Variants in SLC25A26 observed in about 807,000 individuals in gnomAD.
SLC25A26 encodes the protein mitochondrial S-adenosylmethionine carrier protein.
SLC25A26 carries 36 observed loss-of-function variants against 37.8 expected under a neutral mutation model. That is an observed-to-expected ratio of 0.95 (90% CI 0.73 to 1.26). The LOEUF (loss-of-function observed/expected upper bound fraction) is 1.26. SLC25A26 is among the 50% of genes most tolerant of loss of function. SLC25A26 has a pLI of 0.00. For synonymous variants in SLC25A26, 129 were observed against 122.5 expected (o/e 1.05, Z -0.35); for missense variants, 390 against 331.1 (o/e 1.18, Z -1.38).
intron 1 of SLC25A26, among the ~76,000 whole-genome samples, chr3:66,230,526 G>C (rs1397873718): frequency 6.6e-6 from 1 of 152,010 alleles, no homozygotes; most frequent in Non-Finnish European, 1.5e-5. Flanking sequence ...ATTTTAGGCC[G>C]GGCGTGGTGG....
rs147002911 is a variant in SLC25A26, at chr3:66,237,068, C to T, written c.190+368C>T. 3.1e-3 allele frequency among the ~76,000 whole-genome samples: 473 copies of T among 152,240 alleles called. 3 individuals carry two copies. The highest frequency in any genetic ancestry group is 0.016 in the East Asian group (85 of 5,164). On this transcript the variant is annotated intron_variant, in intron 2 of 9. Coordinates refer to ENST00000354883, the MANE Select transcript of SLC25A26 (RefSeq NM_001379210.1). ...TCTAGGCTGGTCTTGAACTCCTAGGCTCAAGCAATCTGCCCATCTTGGGCT... is the reference window on the plus strand; with the variant it reads ...TCTAGGCTGGTCTTGAACTCCTAGGTTCAAGCAATCTGCCCATCTTGGGCT...
intron 1 of SLC25A26, among the ~76,000 whole-genome samples, chr3:66,134,151 T>C (rs1413287874): frequency 5.9e-5 from 9 of 152,244 alleles, no homozygotes; most frequent in Non-Finnish European, 1.3e-4. Context: ...ATAACTAGTT[T>C]GACTTGGTCT....
chr3:66,321,993 A>G lies in SLC25A26; in HGVS notation c.454-24371A>G, dbSNP rs138060643. Among the ~76,000 whole-genome samples, 7 of 152,246 alleles carry G rather than the reference A, an allele frequency of 4.6e-5. No homozygotes were observed. The East Asian group carries it at 1.4e-3, about 29-fold the overall frequency. On this transcript the variant is annotated intron_variant, in intron 5 of 9. Coordinates refer to ENST00000354883, the MANE Select transcript of SLC25A26 (RefSeq NM_001379210.1). ...AGATAACAGCATTAAGCCATTCATG[A>G]GGGTGGTGCCCCCATGACCCAAGTA...
At chr3:66,251,277 G>A (rs2073074113) in intron 3 of SLC25A26, among the ~76,000 whole-genome samples, 1 of 152,102 alleles carries the variant, frequency 6.6e-6, no homozygotes, top group Admixed American at 6.6e-5. Flanking sequence ...GACTATTAAA[G>A]GAATCCCCAG....
chr3:66,340,956 T>C (rs555398652), intron 5 of SLC25A26, among the ~76,000 whole-genome samples: 55 of 151,820 alleles, frequency 3.6e-4, no homozygotes, highest in African/African-American at 1.3e-3. Flanking sequence ...AGAGAGAATG[T>C]GTGTGTGTGT....
At chr3:66,371,276 C>T (rs1700331312) in intron 9 of SLC25A26, 8 of 1,549,442 alleles carry the variant, frequency 5.2e-6, no homozygotes, top group African/African-American at 1.4e-5. Flanking sequence ...CGGCAGCTGC[C>T]TGGACTTCGG....
intron 5 of SLC25A26, among the ~76,000 whole-genome samples, chr3:66,297,400 C>T (rs1342934985): frequency 6.6e-6 from 1 of 150,538 alleles, no homozygotes; most frequent in Non-Finnish European, 1.5e-5. Context: ...TTAGTAAAGT[C>T]ATTTTTTCTT....
intron 1 of SLC25A26, among the ~76,000 whole-genome samples, chr3:66,179,401 G>A (rs1226562118): frequency 6.6e-6 from 1 of 152,136 alleles, no homozygotes; most frequent in Non-Finnish European, 1.5e-5. Flanking sequence ...GTTGACTATG[G>A]CAACATTATG....
intron 5 of SLC25A26, among the ~76,000 whole-genome samples, chr3:66,294,817 A>G (rs1343055257): frequency 6.6e-6 from 1 of 152,190 alleles, no homozygotes; most frequent in Non-Finnish European, 1.5e-5. Context: ...ATTGTTAGGA[A>G]AGTCTTTGTA....
intron 1 of SLC25A26, among the ~76,000 whole-genome samples, chr3:66,161,362 G>C (rs887645909): frequency 6.6e-6 from 1 of 152,074 alleles, no homozygotes; most frequent in Admixed American, 6.6e-5. Context: ...CTTATGTAAA[G>C]AATCTTCTTC....
intron 1 of SLC25A26, among the ~76,000 whole-genome samples, chr3:66,185,862 T>C (rs978937225): frequency 1.3e-5 from 2 of 152,152 alleles, no homozygotes; most frequent in African/African-American, 4.8e-5. Context: ...GAACTAGACT[T>C]TTACTTTGAT....
chr3:66,257,945 A>G (rs2073370035), intron 3 of SLC25A26, among the ~76,000 whole-genome samples: 1 of 152,206 alleles, frequency 6.6e-6, no homozygotes, highest in South Asian at 2.1e-4. Flanking sequence ...GCCAGTCTCC[A>G]TTTGAGGCTT....
chr3:66,221,776 C>T (rs1023208781), intron 1 of SLC25A26, among the ~76,000 whole-genome samples: 1 of 150,134 alleles, frequency 6.7e-6, no homozygotes, highest in Non-Finnish European at 1.5e-5. Flanking sequence ...TATTTTGGAG[C>T]GTCTGGTAGA....
chr3:66,165,339 G>A (rs1269892387), intron 1 of SLC25A26, among the ~76,000 whole-genome samples: 1 of 152,176 alleles, frequency 6.6e-6, no homozygotes. Context: ...CAGCTAAGCT[G>A]CTTTTGAATT....
intron 1 of SLC25A26, among the ~76,000 whole-genome samples, chr3:66,208,718 G>A (rs1417262045): frequency 4.0e-5 from 5 of 125,554 alleles, no homozygotes; most frequent in Non-Finnish European, 6.5e-5. Flanking sequence ...ATTTATATGG[G>A]TATATATATA....
At chr3:66,162,752 T>G (rs1205339270) in intron 1 of SLC25A26, among the ~76,000 whole-genome samples, 1 of 152,250 alleles carries the variant, frequency 6.6e-6, no homozygotes, top group Non-Finnish European at 1.5e-5. Context: ...GTCTCTTGGC[T>G]GTCATCACTC....
In SLC25A26 at chr3:66,268,737, G is replaced by A. The variant is rs142767460; in HGVS notation, c.453+5358G>A. On this transcript the variant is annotated intron_variant, in intron 5 of 9. Transcript: ENST00000354883. ...TCTCATCTTGAATTGTAATCCCCAC[G>A]TGGCAGGGGAGGGACCTGATGGGAG... 2.4e-4 allele frequency among the ~76,000 whole-genome samples: 37 copies of A among 152,284 alleles called. No homozygotes were observed. The East Asian group carries it at 4.2e-3, about 17-fold the overall frequency.
At position 66,243,260 on chromosome 3, in the gene SLC25A26, C is replaced by T. The variant is rs782795962; in HGVS notation, c.248C>T (p.Ser83Phe). 3.1e-6 allele frequency: 5 copies of T among 1,609,970 alleles called. No individual in the cohort carries two copies. Among genetic ancestry groups the T allele is most frequent in the Admixed American group, 3.3e-5 (2 of 59,816 alleles). Residue 83 changes from serine to phenylalanine, a missense_variant, in exon 3 of 10, where the codon TCT (serine) becomes TTT (phenylalanine). Physicochemically the swap from Ser to Phe is radical, Grantham distance 155. Coordinates refer to ENST00000354883, the MANE Select transcript of SLC25A26 (RefSeq NM_001379210.1). ...YVKWFLHADS[S>F]SYLTPMKHML... ...AAGTGGTTTTTGCATGCTGATTCATCTTCATATTTGACACCTATGAAACAT... is the reference window on the plus strand; with the variant it reads ...AAGTGGTTTTTGCATGCTGATTCATTTTCATATTTGACACCTATGAAACAT...
At chr3:66,204,760 A>G (rs1226571405) in intron 1 of SLC25A26, among the ~76,000 whole-genome samples, 4 of 152,200 alleles carry the variant, frequency 2.6e-5, no homozygotes, top group East Asian at 1.9e-4. Flanking sequence ...ACCGAGTACA[A>G]TATCATTTCA....
Sources: allele counts gnomAD v4.1 joint callset (sites outside exome capture counted in the v4.1 genomes callset), GRCh38; gene constraint gnomAD v4.1.1; transcripts MANE v1.5; gene names NCBI Gene and HGNC (gene_info 2026-07-23, HGNC 2026-07-21).